Variants in SDK1 observed in about 807,000 individuals in gnomAD.
SDK1 encodes the protein sidekick cell adhesion molecule 1.
Under a neutral mutation model 245.5 loss-of-function variants are expected in SDK1, and 157 were observed. That is an observed-to-expected ratio of 0.64 (90% CI 0.56 to 0.73). The LOEUF (loss-of-function observed/expected upper bound fraction) is 0.73. SDK1 is among the 30% of genes least tolerant of loss of function. The pLI is 0.00. For missense variants in SDK1, 3,583 were observed against 3,002.3 expected (o/e 1.19, Z -4.52); for synonymous variants, 1,647 against 1,278.5 (o/e 1.29, Z -6.15).
Position 4,267,187 on chromosome 7 carries a change from C to T in SDK1, c.*1803C>T. 3.1e-6 allele frequency: 3 copies of T among 965,254 alleles called. No individual in the cohort carries two copies. Among genetic ancestry groups the T allele is most frequent in the Non-Finnish European group, 3.7e-6 (3 of 812,032 alleles). The allele number at this position is 965,254 out of a possible 1,614,324, so 59.8% of individuals were successfully genotyped here. Reference sequence around the variant, plus strand: ...TCCTTTTTTCTCTCCTCCCTTCCTTCCCCTCCTTCCTTTCCTTTACCCCTC... The same window carrying T: ...TCCTTTTTTCTCTCCTCCCTTCCTTTCCCTCCTTCCTTTCCTTTACCCCTC... On this transcript the variant is annotated 3_prime_UTR_variant, in exon 45 of 45. Coordinates refer to ENST00000404826, the MANE Select transcript of SDK1 (RefSeq NM_152744.4).
At chr7:3,884,859 C>A (rs187980548) in intron 5 of SDK1, among the ~76,000 whole-genome samples, 3 of 152,344 alleles carry the variant, frequency 2.0e-5, no homozygotes, top group South Asian at 2.1e-4. Context: ...GCTGATGGGG[C>A]CTTCTCTGCT....
chr7:3,418,063 GGGTA>G (rs1011116221), intron 1 of SDK1, among the ~76,000 whole-genome samples: 6 of 148,062 alleles, frequency 4.1e-5, no homozygotes, highest in African/African-American at 1.6e-4. Context: ...TACAACAAAG[GGGTA>G]AAAATTCCTG....
intron 5 of SDK1, among the ~76,000 whole-genome samples, chr7:3,906,750 C>G (rs1398592527): frequency 6.6e-6 from 1 of 150,796 alleles, no homozygotes; most frequent in Non-Finnish European, 1.5e-5. Context: ...GCCTCAGCCT[C>G]CTGAGTAGCT....
chr7:4,242,743 C>T (rs1196179889), intron 43 of SDK1, among the ~76,000 whole-genome samples: 1 of 152,232 alleles, frequency 6.6e-6, no homozygotes, highest in African/African-American at 2.4e-5. Flanking sequence ...AATCACACAT[C>T]ATCCAGACCC....
intron 1 of SDK1, among the ~76,000 whole-genome samples, chr7:3,526,958 GTCAGTTAACTTGCT>G (rs1562540654): frequency 6.6e-6 from 1 of 152,134 alleles, no homozygotes; most frequent in Non-Finnish European, 1.5e-5. Context: ...ACAGGAGGTT[GTCAGTTAACTTGCT>G]ATAAATCTAC....
intron 1 of SDK1, among the ~76,000 whole-genome samples, chr7:3,417,478 T>A (rs1435532835): frequency 6.6e-6 from 1 of 152,152 alleles, no homozygotes; most frequent in East Asian, 1.9e-4. Flanking sequence ...CTTGCTGCTT[T>A]TATGGTCAAG....
intron 4 of SDK1, among the ~76,000 whole-genome samples, chr7:3,695,051 G>A (rs563989482): frequency 1.3e-3 from 200 of 152,238 alleles, no homozygotes; most frequent in African/African-American, 4.6e-3. Context: ...ACATATTAGA[G>A]ACTCTACATA....
chr7:3,390,673 A>G (rs951509212), intron 1 of SDK1, among the ~76,000 whole-genome samples: 3 of 152,160 alleles, frequency 2.0e-5, no homozygotes, highest in African/African-American at 7.2e-5. Context: ...ATAGACGCAG[A>G]TATTGGAGTT....
rs1042235361 is a variant in SDK1 at position 3,363,764 on chromosome 7, C to G, written c.298+61880C>G. 2.6e-5 allele frequency among the ~76,000 whole-genome samples: 4 copies of G among 152,208 alleles called. No homozygotes were observed. In the South Asian group the frequency reaches 8.3e-4, roughly 32 times the overall value. ...TGCTGCTGATTTGCCCGGAGGAGCT[C>G]AGGCGGGAATGCTCCTTCGTCCACT... is the stretch of plus-strand genomic sequence containing the variant. On this transcript the variant is annotated intron_variant, in intron 1 of 44. Coordinates refer to ENST00000404826, the MANE Select transcript of SDK1 (RefSeq NM_152744.4).
intron 5 of SDK1, among the ~76,000 whole-genome samples, chr7:3,857,950 A>G (rs932063204): frequency 1.3e-5 from 2 of 152,196 alleles, no homozygotes; most frequent in Non-Finnish European, 2.9e-5. Flanking sequence ...AAAAGGAACA[A>G]ATAGTGTGAT....
intron 5 of SDK1, among the ~76,000 whole-genome samples, chr7:3,877,452 C>G (rs1245220066): frequency 6.6e-6 from 1 of 152,186 alleles, no homozygotes; most frequent in Non-Finnish European, 1.5e-5. Flanking sequence ...CCCCACAGTT[C>G]AGTGTGCCCA....
intron 35 of SDK1, among the ~76,000 whole-genome samples, chr7:4,180,574 C>T (rs1562399041): frequency 1.3e-5 from 2 of 152,244 alleles, no homozygotes; most frequent in African/African-American, 2.4e-5. Flanking sequence ...CTAGGGTCTG[C>T]GCTGTTGGTG....
rs577126228 is a variant in SDK1 at position 3,758,785 on chromosome 7, C to G, written c.714-62665C>G. On this transcript the variant is annotated intron_variant, in intron 4 of 44. Transcript: ENST00000404826. ...GAAGCATGGAGTGTGCTTGTAGCCCCTGTGCTGTCACATCCTCTAGGCCTC... is the reference window on the plus strand; with the variant it reads ...GAAGCATGGAGTGTGCTTGTAGCCCGTGTGCTGTCACATCCTCTAGGCCTC... Among the ~76,000 whole-genome samples, 17 of 152,306 alleles carry G rather than the reference C, an allele frequency of 1.1e-4. No individual in the cohort carries two copies. The South Asian group carries it at 3.5e-3, about 32-fold the overall frequency.
At chr7:3,369,486 C>T (rs1669993202) in intron 1 of SDK1, among the ~76,000 whole-genome samples, 1 of 152,156 alleles carries the variant, frequency 6.6e-6, no homozygotes, top group African/African-American at 2.4e-5. Context: ...TGTTATAGGG[C>T]AAGCTTGCCA....
chr7:3,662,373 G>A (rs189513004), intron 4 of SDK1, among the ~76,000 whole-genome samples: 5 of 152,128 alleles, frequency 3.3e-5, no homozygotes, highest in Non-Finnish European at 5.9e-5. Flanking sequence ...GCTCAGCACT[G>A]GGAGCCAGGG....
chr7:3,644,944 A>C (rs559801673), intron 4 of SDK1, among the ~76,000 whole-genome samples: 1 of 151,946 alleles, frequency 6.6e-6, no homozygotes, highest in African/African-American at 2.4e-5. Context: ...GGGGGGAGTT[A>C]GATTGAATTA....
intron 1 of SDK1, among the ~76,000 whole-genome samples, chr7:3,601,454 G>T (rs907884395): frequency 6.6e-6 from 1 of 151,942 alleles, no homozygotes; most frequent in Non-Finnish European, 1.5e-5. Flanking sequence ...TTAGTAGTTT[G>T]TAGTTTTCTA....
chr7:3,499,323 A>G (rs190713361), intron 1 of SDK1, among the ~76,000 whole-genome samples: 2 of 152,190 alleles, frequency 1.3e-5, no homozygotes, highest in South Asian at 4.1e-4. Flanking sequence ...AATAGAATTT[A>G]TTAACTGACC....
In SDK1 at chr7:3,346,146, C is replaced by T. The variant is rs147107965; in HGVS notation, c.298+44262C>T. Among the ~76,000 whole-genome samples, 325 of 152,336 alleles carry T rather than the reference C, an allele frequency of 2.1e-3. 1 individual carries two copies. The highest frequency in any genetic ancestry group is 7.5e-3 in the African/African-American group (311 of 41,582). On this transcript the variant is annotated intron_variant, in intron 1 of 44. Transcript: ENST00000404826. ...TTAAAATCTTTCAGGGAGGTTCCTA[C>T]TGTCTTAAGAATAAATTTCAGACTC...
Sources: gnomAD v4.1 joint callset for allele counts (sites outside exome capture counted in the v4.1 genomes callset) on GRCh38, gnomAD v4.1.1 for gene constraint, MANE v1.5 for transcripts, NCBI Gene and HGNC (gene_info 2026-07-23, HGNC 2026-07-21) for gene names.